Variants in GABRG3 observed in about 807,000 individuals in gnomAD.
GABRG3 encodes gamma-aminobutyric acid receptor subunit gamma-3.
A neutral mutation model predicts 48.8 loss-of-function variants in GABRG3; 25 were observed. The ratio of observed to expected loss-of-function variants is 0.51; its 90% CI spans 0.37 to 0.72. GABRG3 has a LOEUF of 0.72. Among genes scored for constraint, GABRG3 ranks in the 30% least tolerant of loss-of-function variants. The pLI is 0.00. For missense variants in GABRG3, 394 were observed against 577.9 expected, an observed-to-expected ratio of 0.68 and a Z score of 3.26; for synonymous variants, 227 against 217.6, an observed-to-expected ratio of 1.04 and a Z score of -0.38.
At chr15:27,192,024 T>C (rs1315148731) in intron 3 of GABRG3, among the ~76,000 whole-genome samples, 15 of 152,134 alleles carry the variant, frequency 9.9e-5, no homozygotes, top group Non-Finnish European at 5.9e-5. Context: ...GGTTGAAAAT[T>C]CTTTTCTTTA....
At chr15:27,187,100 T>C (rs1888122107) in intron 3 of GABRG3, among the ~76,000 whole-genome samples, 1 of 152,158 alleles carries the variant, frequency 6.6e-6, no homozygotes, top group Non-Finnish European at 1.5e-5. Flanking sequence ...TTTTTATATA[T>C]GGTGATAAAT....
Position 27,269,524 on chromosome 15 carries a change from G to A in GABRG3, c.271-57285G>A, listed in dbSNP as rs28508239. Among the ~76,000 whole-genome samples, 508 of 152,150 alleles carry A rather than the reference G, an allele frequency of 3.3e-3. 6 individuals are homozygous for A. Among genetic ancestry groups the A allele is most frequent in the East Asian group, 0.03 (155 of 5,174 alleles). On this transcript the variant is annotated intron_variant, in intron 3 of 9. Transcript: ENST00000615808. ...CATCACTTCCCCACACTGTGTTCTC[G>A]CTCTTGTGTTTGCACTGCATTTTCT...
chr15:27,430,591 GAT>G (rs1392718025), intron 5 of GABRG3, among the ~76,000 whole-genome samples: 1 of 152,182 alleles, frequency 6.6e-6, no homozygotes, highest in African/African-American at 2.4e-5. Context: ...GAGAGGAAGA[GAT>G]ATAATTTCAT....
In GABRG3 at chr15:27,327,809, CCTT is replaced by C. The variant is rs1159978008; in HGVS notation, c.491+784_491+786del. Among the ~76,000 whole-genome samples, 6 of 152,094 alleles carry C rather than the reference CCTT, an allele frequency of 3.9e-5. No individual in the cohort carries two copies. The East Asian group carries it at 5.8e-4, about 15-fold the overall frequency. On this transcript the variant is annotated intron_variant, in intron 4 of 9. Transcript: ENST00000615808. ...TCTCACTGCCCCGGGGCACAGGGCTCCTTCTTGCACCTGCTTTGTGGCTGCATC... is the reference window on the plus strand; with the variant it reads ...TCTCACTGCCCCGGGGCACAGGGCTCCTTGCACCTGCTTTGTGGCTGCATC...
rs1891634192 is a variant in GABRG3 at position 27,286,959 on chromosome 15, G to T, written c.271-39850G>T. ...TAATAGGCGACTGAAGTGATCCGTG[G>T]CTCCATGATATAAAGCTCCATGGCA... On this transcript the variant is annotated intron_variant, in intron 3 of 9. Coordinates refer to ENST00000615808, the MANE Select transcript of GABRG3 (RefSeq NM_033223.5). Among the ~76,000 whole-genome samples, 3 of 152,130 alleles carry T rather than the reference G, an allele frequency of 2.0e-5. No homozygotes were observed. The South Asian group carries it at 6.2e-4, about 32-fold the overall frequency.
In GABRG3 at chr15:27,180,532, T is replaced by C. The variant is rs1378095783; in HGVS notation, c.271-146277T>C. ...CCCTCAACAAACCCTGCTCCACGTA[T>C]ACCCTCAGGTTCAACTCATCGCTCT... is the stretch of plus-strand genomic sequence containing the variant. On this transcript the variant is annotated intron_variant, in intron 3 of 9. Coordinates refer to ENST00000615808, the MANE Select transcript of GABRG3 (RefSeq NM_033223.5). The surrounding 1 kb of genome is among the most constrained non-coding windows in gnomAD (Gnocchi z 4.2). 6.6e-6 allele frequency among the ~76,000 whole-genome samples: 1 copy of C among 151,980 alleles called. No individual in the cohort carries two copies. Among genetic ancestry groups the C allele is most frequent in the Non-Finnish European group, 1.5e-5 (1 of 67,982 alleles).
intron 3 of GABRG3, among the ~76,000 whole-genome samples, chr15:27,190,352 G>A (rs556056986): frequency 6.6e-6 from 1 of 152,128 alleles, no homozygotes; most frequent in Admixed American, 6.5e-5. Context: ...AATCCATCTG[G>A]TCCTGGACTC....
rs57021410 is a variant in GABRG3 at position 27,145,665 on chromosome 15, T to TATCTATCTATCTATC, written c.270+118844_270+118845insATCTATCTATCTATC. 1.5e-3 allele frequency among the ~76,000 whole-genome samples: 214 copies of TATCTATCTATCTATC among 138,442 alleles called. 3 individuals are homozygous for TATCTATCTATCTATC. The highest frequency in any genetic ancestry group is 3.6e-3 in the Middle Eastern group (1 of 280). 90.8% of individuals were successfully genotyped at this position (138,442 alleles called of 152,430 possible). ...TCTATCTATCTATCTATCTATCTAT[T>TATCTATCTATCTATC]GTGCCAGAAGGAGAGGTGAGAAAGA... On this transcript the variant is annotated intron_variant, in intron 3 of 9. Transcript: ENST00000615808.
In GABRG3 at chr15:27,151,130, A is replaced by G. The variant is rs188434813; in HGVS notation, c.270+124309A>G. On this transcript the variant is annotated intron_variant, in intron 3 of 9. Coordinates refer to ENST00000615808, the MANE Select transcript of GABRG3 (RefSeq NM_033223.5). ...TCTCTCAATAATGACATCTTGCAAA[A>G]CTATACTACAGTATCACAACTAGGA... 2.6e-5 allele frequency among the ~76,000 whole-genome samples: 4 copies of G among 152,276 alleles called. No homozygotes were observed. The East Asian group carries it at 7.7e-4, about 29-fold the overall frequency.
chr15:27,304,560 A>C (rs1187054942), intron 3 of GABRG3, among the ~76,000 whole-genome samples: 1 of 151,970 alleles, frequency 6.6e-6, no homozygotes, highest in Non-Finnish European at 1.5e-5. Flanking sequence ...ATTCATTCCT[A>C]GGCATTTTCT....
intron 6 of GABRG3, among the ~76,000 whole-genome samples, chr15:27,502,458 T>G (rs1890663589): frequency 6.6e-6 from 1 of 152,190 alleles, no homozygotes; most frequent in Non-Finnish European, 1.5e-5. Context: ...AATACAGATT[T>G]CTGTGACCAA....
intron 3 of GABRG3, among the ~76,000 whole-genome samples, chr15:27,219,993 GCTCACCC>G (rs1889399911): frequency 1.3e-5 from 2 of 152,074 alleles, no homozygotes; most frequent in Non-Finnish European, 2.9e-5. Context: ...ACTTGGGTCG[GCTCACCC>G]AGCATGCAGA....
chr15:27,017,096 A>C (rs1895792703), intron 2 of GABRG3, among the ~76,000 whole-genome samples: 1 of 152,032 alleles, frequency 6.6e-6, no homozygotes, highest in Non-Finnish European at 1.5e-5. Flanking sequence ...ATATATTCCC[A>C]TGCCTTTAGG....
At chr15:27,474,328 G>A (rs761210948) in intron 5 of GABRG3, among the ~76,000 whole-genome samples, 1 of 152,160 alleles carries the variant, frequency 6.6e-6, no homozygotes, top group Non-Finnish European at 1.5e-5. Flanking sequence ...TTTCAGGGAA[G>A]TATTACTTAA....
chr15:27,532,983 GC>G lies in GABRG3; in HGVS notation c.*105del. On this transcript the variant is annotated 3_prime_UTR_variant, in exon 10 of 10. Coordinates refer to ENST00000615808, the MANE Select transcript of GABRG3 (RefSeq NM_033223.5). The stretch of plus-strand genomic sequence containing the variant: ...ATCGGGAGTAGCAAGGAAGGACACT[GC>G]CCAGTGTATCTTGTTATAAATGACC... 9.4e-7 allele frequency: 1 copy of G among 1,065,682 alleles called. No homozygotes were observed. The highest frequency in any genetic ancestry group is 1.3e-6 in the Non-Finnish European group (1 of 743,022). The allele number at this position is 1,065,682 out of a possible 1,614,324, so 66.0% of individuals were successfully genotyped here. A position where few individuals can be genotyped will look rare whatever the true frequency, so the allele number is the denominator to read the frequency against.
intron 3 of GABRG3, among the ~76,000 whole-genome samples, chr15:27,189,894 C>T (rs1374286172): frequency 6.6e-6 from 1 of 152,010 alleles, no homozygotes; most frequent in Non-Finnish European, 1.5e-5. Flanking sequence ...TTTTGAGATA[C>T]GTCCCATCAA....
At chr15:27,022,216 G>A (rs994964724) in intron 2 of GABRG3, among the ~76,000 whole-genome samples, 2 of 152,168 alleles carry the variant, frequency 1.3e-5, no homozygotes, top group Non-Finnish European at 2.9e-5. Flanking sequence ...ACTTCTTGGG[G>A]TTTTGAGAAG....
chr15:27,103,661 A>G (rs1013392505), intron 3 of GABRG3, among the ~76,000 whole-genome samples: 3 of 152,204 alleles, frequency 2.0e-5, no homozygotes, highest in Non-Finnish European at 4.4e-5. Flanking sequence ...TGTAACAAGC[A>G]TACAATACAA....
chr15:27,216,086 A>G (rs1889236781), intron 3 of GABRG3, among the ~76,000 whole-genome samples: 1 of 152,148 alleles, frequency 6.6e-6, no homozygotes, highest in African/African-American at 2.4e-5. Context: ...CTGATGTTCT[A>G]ATGGAGCATT....
Sources: gnomAD v4.1 joint callset for allele counts (sites outside exome capture counted in the v4.1 genomes callset) on GRCh38, gnomAD v4.1.1 for gene constraint, Gnocchi (gnomAD v3.1) non-coding constraint, MANE v1.5 for transcripts, NCBI Gene and HGNC (gene_info 2026-07-23, HGNC 2026-07-21) for gene names.